Variants in STAU2 observed in about 807,000 individuals in gnomAD.
STAU2 encodes staufen double-stranded RNA binding protein 2.
STAU2 carries 20 observed loss-of-function variants against 65.9 expected under a neutral mutation model. The ratio of observed to expected loss-of-function variants is 0.30; its 90% CI spans 0.21 to 0.44. The LOEUF (loss-of-function observed/expected upper bound fraction) is 0.44, where lower values mean the gene tolerates loss of function less well. Among genes scored for constraint, STAU2 ranks in the 20% least tolerant of loss-of-function variants. STAU2 has a pLI of 1.00. For synonymous variants in STAU2, 232 were observed against 233.9 expected (o/e 0.99, Z 0.07); for missense variants, 558 against 683.9 (o/e 0.82, Z 2.05).
At chr8:73,573,979 A>G (rs1195594070) in intron 12 of STAU2, among the ~76,000 whole-genome samples, 9 of 152,212 alleles carry the variant, frequency 5.9e-5, no homozygotes, top group African/African-American at 1.7e-4. Context: ...CCTACAGAAT[A>G]GGAGAAAATT....
At chr8:73,421,511 C>G in intron 14 of STAU2, 46 bp from the exon 15 acceptor site, 1 of 1,516,890 alleles carries the variant, frequency 6.6e-7, no homozygotes, top group East Asian at 2.5e-5. Flanking sequence ...TGGGGTTGCA[C>G]ATCTTCAGAC....
chr8:73,442,318 C>A (rs1380264192), intron 13 of STAU2, among the ~76,000 whole-genome samples: 1 of 146,122 alleles, frequency 6.8e-6, no homozygotes, highest in African/African-American at 2.6e-5. Context: ...TGCACCACTG[C>A]GCTCCAGCCT....
At chr8:73,555,644 C>T (rs1035329110) in intron 12 of STAU2, among the ~76,000 whole-genome samples, 1 of 149,464 alleles carries the variant, frequency 6.7e-6, no homozygotes, top group Non-Finnish European at 1.5e-5. Flanking sequence ...AATATAATAA[C>T]TATTTACATA....
chr8:73,599,819 G>C lies in STAU2; in HGVS notation c.1029+3907C>G, dbSNP rs187839009. 2.1e-3 allele frequency among the ~76,000 whole-genome samples: 321 copies of C among 151,820 alleles called. 3 individuals are homozygous for C. The highest frequency in any genetic ancestry group is 7.1e-3 in the African/African-American group (295 of 41,408). On this transcript the variant is annotated intron_variant, in intron 10 of 14. Coordinates refer to ENST00000524300, the MANE Select transcript of STAU2 (RefSeq NM_001164380.2). ...CTCGCTCTGTCACCCAGGTTCTGGA[G>C]TGCAGTGGCGCAAACTCGGCTCACT...
chr8:73,459,508 T>G (rs1819233769), intron 13 of STAU2, among the ~76,000 whole-genome samples: 1 of 152,150 alleles, frequency 6.6e-6, no homozygotes, highest in Admixed American at 6.6e-5. Context: ...TTGGAAGCAC[T>G]CTGGTTTCTG....
At chr8:73,517,660 A>AAAG (rs1469474130) in intron 13 of STAU2, among the ~76,000 whole-genome samples, 1 of 152,164 alleles carries the variant, frequency 6.6e-6, no homozygotes, top group Non-Finnish European at 1.5e-5. Flanking sequence ...TTTAGTGTGA[A>AAAG]AAGTTAGGTT....
chr8:73,507,245 T>C (rs1822122392), intron 13 of STAU2, among the ~76,000 whole-genome samples: 2 of 151,976 alleles, frequency 1.3e-5, no homozygotes, highest in Admixed American at 6.6e-5. Context: ...ATGGAAGCCA[T>C]AGTGTTAAAA....
At chr8:73,709,633 C>T (rs1820749128) in intron 3 of STAU2, among the ~76,000 whole-genome samples, 1 of 151,962 alleles carries the variant, frequency 6.6e-6, no homozygotes, top group African/African-American at 2.4e-5. Context: ...TAAGTACTAG[C>T]TCTTCCAACT....
chr8:73,508,293 T>C (rs141106623), intron 13 of STAU2, among the ~76,000 whole-genome samples: 7 of 152,326 alleles, frequency 4.6e-5, no homozygotes, highest in East Asian at 1.9e-4. Context: ...TGAACACTTA[T>C]AGGCTGTTGT....
chr8:73,496,244 T>C (rs1438403420), intron 13 of STAU2, among the ~76,000 whole-genome samples: 1 of 151,454 alleles, frequency 6.6e-6, no homozygotes, highest in Non-Finnish European at 1.5e-5. Context: ...CAAAAGAATG[T>C]TTAGAAAATT....
chr8:73,527,539 A>AAG, intron 13 of STAU2: 1 of 461,588 alleles, frequency 2.2e-6, no homozygotes, highest in Non-Finnish European at 3.8e-6. Context: ...TCCCAACACA[A>AAG]ACAATTTTGA....
chr8:73,463,125 T>C (rs888377151), intron 13 of STAU2, among the ~76,000 whole-genome samples: 1 of 152,178 alleles, frequency 6.6e-6, no homozygotes, highest in African/African-American at 2.4e-5. Context: ...GACAAATTAT[T>C]TAGTAGTTAT....
intron 3 of STAU2, among the ~76,000 whole-genome samples, chr8:73,718,530 G>A (rs1821416077): frequency 6.6e-6 from 1 of 152,204 alleles, no homozygotes; most frequent in African/African-American, 2.4e-5. Flanking sequence ...TCCCAGCTGG[G>A]TATATACATG....
intron 6 of STAU2, among the ~76,000 whole-genome samples, chr8:73,646,881 AC>A (rs1317770621): frequency 5.3e-5 from 8 of 152,068 alleles, no homozygotes; most frequent in Non-Finnish European, 8.8e-5. Flanking sequence ...TAAAAAAAAA[AC>A]AATTTTATAG....
rs1283945110 is a variant in STAU2, at chr8:73,621,316, C to T, written c.411-3865G>A. ...TCCCCTGCTGGCATTCATTTCCTCT[C>T]CTGCTGTCCTGTGAAGAGGTGCCTT... On this transcript the variant is annotated intron_variant, in intron 6 of 14. Transcript: ENST00000524300. 3.9e-5 allele frequency among the ~76,000 whole-genome samples: 6 copies of T among 152,224 alleles called. No homozygotes were observed. The South Asian group carries it at 1.0e-3, about 26-fold the overall frequency.
Position 73,676,752 on chromosome 8 carries a change from C to T in STAU2, c.275-3510G>A, listed in dbSNP as rs968820519. Among the ~76,000 whole-genome samples, 8 of 152,144 alleles carry T rather than the reference C, an allele frequency of 5.3e-5. 1 individual carries two copies. The East Asian group carries it at 1.2e-3, about 22-fold the overall frequency. ...CTGGGATTACAGGTGCACACCATCA[C>T]GCCCAGCTAATTTTTGTATTTTTAG... On this transcript the variant is annotated intron_variant, in intron 5 of 14. Transcript: ENST00000524300.
At chr8:73,633,421 G>T (rs1426091126) in intron 6 of STAU2, among the ~76,000 whole-genome samples, 1 of 152,132 alleles carries the variant, frequency 6.6e-6, no homozygotes, top group Non-Finnish European at 1.5e-5. Flanking sequence ...CAAGGGCCAG[G>T]TTCTCAGCTA....
chr8:73,608,805 C>T (rs920086449), intron 9 of STAU2, among the ~76,000 whole-genome samples: 2 of 151,862 alleles, frequency 1.3e-5, no homozygotes, highest in Non-Finnish European at 2.9e-5. Context: ...GCCTGGCCGA[C>T]ATGGTGAAAC....
chr8:73,448,948 G>A (rs1818636514), intron 13 of STAU2, among the ~76,000 whole-genome samples: 1 of 152,258 alleles, frequency 6.6e-6, no homozygotes, highest in Non-Finnish European at 1.5e-5. Flanking sequence ...TCTGAGGAGG[G>A]GCCTGCAGCC....
Sources: allele counts gnomAD v4.1 joint callset (sites outside exome capture counted in the v4.1 genomes callset), GRCh38; gene constraint gnomAD v4.1.1; transcripts MANE v1.5; gene names NCBI Gene and HGNC (gene_info 2026-07-23, HGNC 2026-07-21).